GRK1: variants seen among roughly 807,000 people sequenced by gnomAD.
The protein encoded by GRK1 is rhodopsin kinase GRK1.
Under a neutral mutation model 41.7 loss-of-function variants are expected in GRK1, and 28 were observed. That is an observed-to-expected ratio of 0.67 (90% CI 0.50 to 0.92). The LOEUF (loss-of-function observed/expected upper bound fraction) is 0.92. Among genes scored for constraint, GRK1 ranks in the 40% least tolerant of loss-of-function variants. The pLI is 0.00. For missense variants in GRK1, 703 were observed against 671.2 expected, an observed-to-expected ratio of 1.05 and a Z score of -0.52; for synonymous variants, 327 against 286.7, an observed-to-expected ratio of 1.14 and a Z score of -1.42.
In GRK1 at chr13:113,733,710, T is replaced by C. The variant is rs552391149; in HGVS notation, c.1396+625T>C. On this transcript the variant is annotated intron_variant, in intron 6 of 6. Transcript: ENST00000335678. ...ATGTGTGCATACATGTGTGCGTGTG[T>C]GCGCACGTGTGTGTGCGCGCGTGTG... Among the ~76,000 whole-genome samples the C allele has an allele frequency of 7.1e-3, 968 of 137,034 alleles. 45 individuals are homozygous for C. Among genetic ancestry groups the C allele is most frequent in the African/African-American group, 0.025 (867 of 34,910 alleles). The allele number at this position is 137,034 out of a possible 152,430, so 89.9% of individuals were successfully genotyped here.
At chr13:113,658,103 C>T in the GRK1 span, 1 of 1,612,848 alleles carries the variant, frequency 6.2e-7, no homozygotes, top group Non-Finnish European at 8.5e-7. Flanking sequence ...GGAACTCCTC[C>T]ATGCGCTGGC....
the GRK1 span, chr13:113,654,757 G>A: frequency 3.2e-5 from 51 of 1,584,252 alleles, no homozygotes; most frequent in African/African-American, 1.5e-4. Context: ...CTCCAGAGCC[G>A]AGGAGGCGGC....
chr13:113,736,758 G>A lies in GRK1; in HGVS notation c.*1395G>A, dbSNP rs1428450734. The A allele has an allele frequency of 1.3e-5, 2 of 152,258 alleles. No homozygotes were observed. Among genetic ancestry groups the A allele is most frequent in the East Asian group, 3.9e-4 (2 of 5,188 alleles). The allele number at this position is 152,258 out of a possible 1,614,324, so 9.4% of individuals were successfully genotyped here. A position where few individuals can be genotyped will look rare whatever the true frequency, so the allele number is the denominator to read the frequency against. ...GAGAAGAAGCCTGACCCTGCCACAT[G>A]TGGTCACGGGGAGAGAAGATGGTAG... is the stretch of plus-strand genomic sequence containing the variant. On this transcript the variant is annotated 3_prime_UTR_variant, in exon 7 of 7. Transcript: ENST00000335678.
the GRK1 span, chr13:113,652,963 C>G: frequency 6.2e-7 from 1 of 1,614,194 alleles, no homozygotes. Context: ...GCATATCTGC[C>G]GTGAACTTGC....
At chr13:113,660,317 T>A in the GRK1 span, among the ~76,000 whole-genome samples, 1 of 152,062 alleles carries the variant, frequency 6.6e-6, no homozygotes, top group Non-Finnish European at 1.5e-5. Context: ...CACTGTGGTG[T>A]CAGTGGAGAC....
the GRK1 span, chr13:113,658,141 C>T: frequency 6.2e-7 from 1 of 1,611,970 alleles, no homozygotes; most frequent in Admixed American, 1.7e-5. Context: ...TGCAGAGCCG[C>T]CATCGTCCCT....
chr13:113,735,468 G>C lies in GRK1; in HGVS notation c.*105G>C, dbSNP rs906624409. The C allele has an allele frequency of 1.6e-6, 2 of 1,282,048 alleles. No homozygotes were observed. The highest frequency in any genetic ancestry group is 2.1e-6 in the Non-Finnish European group (2 of 967,812). 79.4% of individuals were successfully genotyped at this position (1,282,048 alleles called of 1,614,324 possible). A position where few individuals can be genotyped will look rare whatever the true frequency, so the allele number is the denominator to read the frequency against. ...GGGTCTGCTAGCAAGGGGACACGTG[G>C]TTCCCTCCACCCAGGTCCCCATCAC... On this transcript the variant is annotated 3_prime_UTR_variant, in exon 7 of 7. Transcript: ENST00000335678.
At chr13:113,657,992 GC>G in the GRK1 span, 10 of 1,511,438 alleles carry the variant, frequency 6.6e-6, no homozygotes, top group Admixed American at 5.7e-5. Flanking sequence ...CCTCAGAGCG[GC>G]CCCCTCCATG....
At chr13:113,658,013 G>A in the GRK1 span, 93 of 1,576,902 alleles carry the variant, frequency 5.9e-5, no homozygotes, top group East Asian at 2.5e-4. Context: ...GCACCCAGCC[G>A]GCCCGCCCCC....
rs929946258 is a variant in GRK1, at chr13:113,727,109, G to A, written c.1069+3952G>A. Among the ~76,000 whole-genome samples the A allele has an allele frequency of 2.0e-5, 3 of 152,346 alleles. No individual in the cohort carries two copies. In the East Asian group the frequency reaches 5.8e-4, roughly 29 times the overall value. On this transcript the variant is annotated intron_variant, in intron 4 of 6. Coordinates refer to ENST00000335678, the MANE Select transcript of GRK1 (RefSeq NM_002929.3). ...GTTGGCCTCACTTGGGTAGCAGCTG[G>A]CAAGTTGACATAACTCACACAGGCC...
the GRK1 span, among the ~76,000 whole-genome samples, chr13:113,659,608 T>C: frequency 6.6e-6 from 1 of 152,294 alleles, no homozygotes; most frequent in South Asian, 2.1e-4. Context: ...TTTCTTTTAT[T>C]TTTTTGTAGA....
the GRK1 span, chr13:113,649,490 G>A: frequency 6.4e-7 from 1 of 1,551,762 alleles, no homozygotes; most frequent in South Asian, 1.2e-5. The surrounding 1 kb of genome is among the most constrained non-coding windows in gnomAD (Gnocchi z 4.7). Context: ...GCGTTCCTGG[G>A]GATGTTGAGG....
chr13:113,723,224 CTGTGTGCACTTGCACATACA>C (rs1054627949), intron 4 of GRK1, 67 bp downstream of exon 4: 6 of 647,940 alleles, frequency 9.3e-6, no homozygotes, highest in African/African-American at 9.0e-5. Flanking sequence ...ATGTGTGTGC[CTGTGTGCACTTGCACATACA>C]TGTGAGTTTG....
upstream of GRK1, among the ~76,000 whole-genome samples, chr13:113,665,811 G>A (rs1173252975): frequency 1.4e-5 from 2 of 148,126 alleles, no homozygotes; most frequent in African/African-American, 5.0e-5. Context: ...GGTCCCAAGT[G>A]TTCCCCAACT....
At chr13:113,655,870 C>T in the GRK1 span, among the ~76,000 whole-genome samples, 92 of 152,336 alleles carry the variant, frequency 6.0e-4, no homozygotes, top group African/African-American at 2.1e-3. Context: ...GAGTGCAGGG[C>T]CAAGAGGCCA....
At chr13:113,652,958 T>G in the GRK1 span, 11 of 1,614,070 alleles carry the variant, frequency 6.8e-6, no homozygotes, top group Non-Finnish European at 9.3e-6. Context: ...CTGCAGCATA[T>G]CTGCCGTGAA....
Position 113,667,298 on chromosome 13 carries a change from C to A in GRK1, c.-89C>A. 1.6e-6 allele frequency: 2 copies of A among 1,260,438 alleles called. No homozygotes were observed. Among genetic ancestry groups the A allele is most frequent in the Non-Finnish European group, 2.2e-6 (2 of 927,412 alleles). 78.1% of individuals were successfully genotyped at this position (1,260,438 alleles called of 1,614,324 possible). On this transcript the variant is annotated 5_prime_UTR_variant, in exon 1 of 7. Transcript: ENST00000335678. The surrounding 1 kb of genome is among the most constrained non-coding windows in gnomAD (Gnocchi z 7.5). ...GCAGGGACGGGCCACAGGCCAAGGG[C>A]AGCAGTCAGGCCTGCTCTGTCTGTG...
the GRK1 span, among the ~76,000 whole-genome samples, chr13:113,661,124 T>C: frequency 1.3e-5 from 2 of 152,140 alleles, no homozygotes; most frequent in East Asian, 3.8e-4. Context: ...CTTAGCAAAT[T>C]TAAAGAATTC....
the GRK1 span, chr13:113,655,045 A>G: frequency 6.9e-7 from 1 of 1,459,144 alleles, no homozygotes; most frequent in Non-Finnish European, 9.2e-7. Context: ...CATCTTCCCT[A>G]CCTAGTTCCA....
Sources: allele counts gnomAD v4.1 joint callset (sites outside exome capture counted in the v4.1 genomes callset), GRCh38; gene constraint gnomAD v4.1.1; non-coding constraint Gnocchi (gnomAD v3.1); transcripts MANE v1.5; gene names NCBI Gene and HGNC (gene_info 2026-07-23, HGNC 2026-07-21).